The following CLSTN3 variants were observed in gnomAD, a reference collection of about 807,000 sequenced individuals.
The protein encoded by CLSTN3 is calsyntenin-3.
In CLSTN3, 36 loss-of-function variants were observed where a neutral mutation model predicts 95.9. That is an observed-to-expected ratio of 0.38 (90% confidence interval 0.29 to 0.50). The LOEUF (loss-of-function observed/expected upper bound fraction) is 0.50. Ranked by LOEUF, CLSTN3 falls within the 20% of genes least tolerant of loss-of-function variation. CLSTN3 has a pLI of 0.95. For synonymous variants in CLSTN3, 481 were observed against 504.0 expected, an observed-to-expected ratio of 0.95 and a Z score of 0.61; for missense variants, 1,084 against 1,268.8, an observed-to-expected ratio of 0.85 and a Z score of 2.21.
intron 12 of CLSTN3, among the ~76,000 whole-genome samples, chr12:7,146,795 C>T (rs369661321): frequency 2.0e-5 from 3 of 152,200 alleles, no homozygotes; most frequent in African/African-American, 7.2e-5. Flanking sequence ...CCCAGACCAG[C>T]GGCACAGCAC....
Position 7,150,566 on chromosome 12 carries a change from T to C in CLSTN3, c.2268T>C (p.Tyr756=), listed in dbSNP as rs779510560. 6.2e-7 allele frequency: 1 copy of C among 1,613,860 alleles called. No homozygotes were observed. The highest frequency in any genetic ancestry group is 1.1e-5 in the South Asian group (1 of 91,070). The change falls in exon 15 of 18, where the codon TAT becomes TAC. Residue 756 remains tyrosine, a synonymous_variant. Coordinates refer to ENST00000266546, the MANE Select transcript of CLSTN3 (RefSeq NM_014718.4). This position sits in a 1 kb window ranked among gnomAD's most constrained non-coding sequence, Gnocchi z 4.0. The part of the protein sequence containing the change: ...TIAGVESITV[Y]EEILRQARYR... ...CAGGGGTGGAGAGCATCACTGTGTA[T>C]GAAGAGATCCTGAGGCAGGCTCGTT... is the stretch of plus-strand genomic sequence containing the variant.
At position 7,133,425 on chromosome 12, in the gene CLSTN3, G is replaced by A; in HGVS notation, c.188-148G>A. ...GCTGCTCAGGGAAGCTGGGCTTAGA[G>A]TTGCGTGTTTGATCATTAATGCTTT... On this transcript the variant is annotated intron_variant, in intron 2 of 17. Coordinates refer to ENST00000266546, the MANE Select transcript of CLSTN3 (RefSeq NM_014718.4). The surrounding 1 kb of genome is among the most constrained non-coding windows in gnomAD (Gnocchi z 4.7). The A allele has an allele frequency of 1.2e-6, 1 of 828,406 alleles. No individual in the cohort carries two copies. The highest frequency in any genetic ancestry group is 1.9e-6 in the Non-Finnish European group (1 of 531,372). The allele number at this position is 828,406 out of a possible 1,614,324, so 51.3% of individuals were successfully genotyped here.
At chr12:7,131,815 A>G (rs1447670114) in intron 1 of CLSTN3, 2 of 456,426 alleles carry the variant, frequency 4.4e-6, no homozygotes. Context: ...CTCAGCATTC[A>G]GGAAGGGGTT....
chr12:7,156,488 T>C (rs1565655497), intron 16 of CLSTN3: 1 of 456,908 alleles, frequency 2.2e-6, no homozygotes. Flanking sequence ...GCTGCACATA[T>C]GGCTCTACCG....
rs753373202 is a variant in CLSTN3, at chr12:7,143,549, A to G, written c.1847+238A>G. On this transcript the variant is annotated intron_variant, in intron 12 of 17. Coordinates refer to ENST00000266546, the MANE Select transcript of CLSTN3 (RefSeq NM_014718.4). Reference sequence around the variant, plus strand: ...TGTTACTCTTTCTACCAAGTCACACATCTAGGGTTTCCGGGCTTTGATCTT... The same window carrying G: ...TGTTACTCTTTCTACCAAGTCACACGTCTAGGGTTTCCGGGCTTTGATCTT... Among the ~76,000 whole-genome samples, 23 of 152,338 alleles carry G rather than the reference A, an allele frequency of 1.5e-4. No homozygotes were observed. In the East Asian group the frequency reaches 3.3e-3, roughly 22 times the overall value.
At chr12:7,143,333 G>A (rs754934969) in intron 12 of CLSTN3, 22 bp downstream of exon 12, 2 of 1,598,004 alleles carry the variant, frequency 1.3e-6, no homozygotes. Flanking sequence ...GTGGGGCAGG[G>A]CAAATCACCA....
rs1276066216 is a variant in CLSTN3 at position 7,156,850 on chromosome 12, G to T, written c.2528-639G>T. ...CAGGTATGCCTCAGGGGGAGATGTT[G>T]GGGAAGCAGGAACCCCAGACGTCCC... On this transcript the variant is annotated intron_variant, in intron 16 of 17. Coordinates refer to ENST00000266546, the MANE Select transcript of CLSTN3 (RefSeq NM_014718.4). The T allele has an allele frequency of 8.8e-6, 4 of 455,764 alleles. No homozygotes were observed. In the East Asian group the frequency reaches 2.1e-4, roughly 24 times the overall value. 28.2% of individuals were successfully genotyped at this position (455,764 alleles called of 1,614,324 possible). A position where few individuals can be genotyped will look rare whatever the true frequency, so the allele number is the denominator to read the frequency against.
At chr12:7,138,218 G>A (rs1591615532) in intron 8 of CLSTN3, 151 bp downstream of exon 8, 1 of 553,010 alleles carries the variant, frequency 1.8e-6, no homozygotes, top group Non-Finnish European at 3.2e-6. Context: ...CTACTCCCAG[G>A]TCCTCTTGTT....
In CLSTN3 at chr12:7,136,865, C is replaced by A; in HGVS notation, c.965C>A (p.Pro322His). 1 of 1,614,140 alleles carries A rather than the reference C, an allele frequency of 6.2e-7. No homozygotes were observed. The highest frequency in any genetic ancestry group is 8.5e-7 in the Non-Finnish European group (1 of 1,180,018). The change falls in exon 7 of 18, where the codon CCT becomes CAT. Residue 322 changes from proline to histidine, a missense_variant. Coordinates refer to ENST00000266546, the MANE Select transcript of CLSTN3 (RefSeq NM_014718.4). ...ATGEVDLLPMPGPNANWTAGL... is the reference protein window; with the variant it reads ...ATGEVDLLPMHGPNANWTAGL... ...GGGGAGGTGGATCTGTTGCCCATGC[C>A]TGGCCCCAATGCCAACTGGACAGCA...
intron 9 of CLSTN3, 40 bp from the exon 10 acceptor site, chr12:7,142,046 G>A (rs1193476714): frequency 7.5e-6 from 11 of 1,474,026 alleles, no homozygotes; most frequent in Non-Finnish European, 1.0e-5. Flanking sequence ...CCACATCCCT[G>A]AGCTCACCAG....
chr12:7,149,442 G>C lies in CLSTN3; in HGVS notation c.2075-81G>C. ...CCCTGGCCCTGGAAAGGGAGGGAGA[G>C]TGGTGATGAGGGCATGGTTGGGTCT... On this transcript the variant is annotated intron_variant, in intron 13 of 17. Coordinates refer to ENST00000266546, the MANE Select transcript of CLSTN3 (RefSeq NM_014718.4). The surrounding 1 kb of genome is among the most constrained non-coding windows in gnomAD (Gnocchi z 4.5). 7.6e-7 allele frequency: 1 copy of C among 1,323,316 alleles called. No homozygotes were observed. The highest frequency in any genetic ancestry group is 1.1e-6 in the Non-Finnish European group (1 of 944,058). The allele number at this position is 1,323,316 out of a possible 1,614,324, so 82.0% of individuals were successfully genotyped here.
Position 7,150,565 on chromosome 12 carries a change from A to G in CLSTN3, c.2267A>G (p.Tyr756Cys). Residue 756 changes from tyrosine (Y) to cysteine (C), a missense_variant, in exon 15 of 18, where the codon TAT (tyrosine) becomes TGT (cysteine). Physicochemically the swap from Tyr to Cys is radical, Grantham distance 194. Transcript: ENST00000266546. The surrounding 1 kb of genome is among the most constrained non-coding windows in gnomAD (Gnocchi z 4.0). ...CCAGGGGTGGAGAGCATCACTGTGT[A>G]TGAAGAGATCCTGAGGCAGGCTCGT... ...TIAGVESITV[Y>C]EEILRQARYR... 6.2e-7 allele frequency: 1 copy of G among 1,613,816 alleles called. No homozygotes were observed. Among genetic ancestry groups the G allele is most frequent in the Non-Finnish European group, 8.5e-7 (1 of 1,179,848 alleles).
intron 12 of CLSTN3, among the ~76,000 whole-genome samples, chr12:7,148,016 G>A (rs1419150927): frequency 6.6e-6 from 1 of 152,030 alleles, no homozygotes; most frequent in Non-Finnish European, 1.5e-5. Flanking sequence ...TTAGCCGGGT[G>A]TGGTGGCATG....
In CLSTN3 at chr12:7,157,502, C is replaced by T. The variant is rs780929849; in HGVS notation, c.2541C>T (p.Ala847=). The change falls in exon 17 of 18, where the codon GCC becomes GCT. Residue 847 remains alanine (A), a synonymous_variant. Coordinates refer to ENST00000266546, the MANE Select transcript of CLSTN3 (RefSeq NM_014718.4). This position sits in a 1 kb window ranked among gnomAD's most constrained non-coding sequence, Gnocchi z 5.9. ...CTCTCTCTGCAGTGATACCCAGCGC[C>T]GCAACCCTCATCATTGTGGTGTGCG... ...SSHRNSMIPS[A]ATLIIVVCVG... 54 of 1,587,334 alleles carry T rather than the reference C, an allele frequency of 3.4e-5. No homozygotes were observed. The highest frequency in any genetic ancestry group is 7.0e-5 in the Admixed American group (4 of 57,142).
chr12:7,142,113 G>A lies in CLSTN3; in HGVS notation c.1514G>A (p.Gly505Glu). The change falls in exon 10 of 18, where the codon GGA becomes GAA. Residue 505 changes from glycine to glutamate, a missense_variant. Coordinates refer to ENST00000266546, the MANE Select transcript of CLSTN3 (RefSeq NM_014718.4). ...GAGAAGAACAAAGAGAAGGAAAAGG[G>A]AGACAACAGTACAGACACCACCCAA... is the stretch of plus-strand genomic sequence containing the variant. ...TEEKNKEKEKGDNSTDTTQGD... is the reference protein window; with the variant it reads ...TEEKNKEKEKEDNSTDTTQGD... The A allele has an allele frequency of 6.2e-7, 1 of 1,608,550 alleles. No individual in the cohort carries two copies. The highest frequency in any genetic ancestry group is 8.5e-7 in the Non-Finnish European group (1 of 1,176,978).
At chr12:7,155,275 C>T (rs765884771) in intron 16 of CLSTN3, among the ~76,000 whole-genome samples, 6 of 152,338 alleles carry the variant, frequency 3.9e-5, no homozygotes, top group East Asian at 3.9e-4. Flanking sequence ...CCCATCTCCC[C>T]GGGCTCCTGA....
rs1276432849 is a variant in CLSTN3, at chr12:7,143,014, C to G, written c.1686C>G (p.Gly562=). ...ACTATAGGGATTTCGAGAGCCTGGGCAAAGGCATGAAGGTATTGCCCCATC... is the reference window on the plus strand; with the variant it reads ...ACTATAGGGATTTCGAGAGCCTGGGGAAAGGCATGAAGGTATTGCCCCATC... ...GLDYRDFESL[G]KGMKVHVNPS... Residue 562 remains glycine (G), a synonymous_variant, in exon 11 of 18, where the codon GGC becomes GGG. Transcript: ENST00000266546. 2 of 1,613,648 alleles carry G rather than the reference C, an allele frequency of 1.2e-6. No individual in the cohort carries two copies. The highest frequency in any genetic ancestry group is 2.7e-5 in the African/African-American group (2 of 74,912).
intron 16 of CLSTN3, among the ~76,000 whole-genome samples, chr12:7,152,107 A>G (rs1939734244): frequency 6.6e-6 from 1 of 151,872 alleles, no homozygotes; most frequent in African/African-American, 2.4e-5. Flanking sequence ...ACTCAGCCAT[A>G]ATTCCGTCAG....
upstream of CLSTN3, chr12:7,130,282 C>G: frequency 1.3e-6 from 1 of 769,270 alleles, no homozygotes; most frequent in Non-Finnish European, 1.8e-6. Flanking sequence ...CATTGGCTCC[C>G]TCCCCCGCTG....
Sources: gnomAD v4.1 joint callset for allele counts (sites outside exome capture counted in the v4.1 genomes callset) on GRCh38, gnomAD v4.1.1 for gene constraint, Gnocchi (gnomAD v3.1) non-coding constraint, MANE v1.5 for transcripts, NCBI Gene and HGNC (gene_info 2026-07-23, HGNC 2026-07-21) for gene names.